The following C20orf203 variants were observed in gnomAD, a reference collection of about 807,000 sequenced individuals.
C20orf203 encodes the protein chromosome 20 open reading frame 203.
A neutral mutation model predicts 15.9 loss-of-function variants in C20orf203; 16 were observed. The observed-to-expected ratio is 1.01, with a 90% CI of 0.68 to 1.53. C20orf203 has a LOEUF of 1.53. C20orf203 is among the 40% of genes most tolerant of loss of function. The pLI is 0.00. For missense variants in C20orf203, 263 were observed against 247.5 expected (o/e 1.06, Z -0.42); for synonymous variants, 98 against 97.2 (o/e 1.01, Z -0.05).
In C20orf203 at chr20:32,632,593, G is replaced by A. The variant is rs1982030761; in HGVS notation, c.*2977C>T. On this transcript the variant is annotated 3_prime_UTR_variant, in exon 6 of 6. Coordinates refer to ENST00000608990, the MANE Select transcript of C20orf203 (RefSeq NM_182584.4). ...CTGGCCTTTTTCACAAAAAAAACATGTATCTCAGAGCTTCTTCCACAGCAG... is the reference window on the plus strand; with the variant it reads ...CTGGCCTTTTTCACAAAAAAAACATATATCTCAGAGCTTCTTCCACAGCAG... The A allele has an allele frequency of 6.6e-6, 1 of 152,056 alleles. No individual in the cohort carries two copies. The highest frequency in any genetic ancestry group is 2.4e-5 in the African/African-American group (1 of 41,416). The allele number at this position is 152,056 out of a possible 1,614,324, so 9.4% of individuals were successfully genotyped here.
chr20:32,660,432 A>C (rs1205834812), intron 1 of C20orf203, among the ~76,000 whole-genome samples: 1 of 152,206 alleles, frequency 6.6e-6, no homozygotes, highest in Non-Finnish European at 1.5e-5. Context: ...TGGCCAGCTC[A>C]TGCCAGGGAG....
chr20:32,671,049 G>A (rs1983154804), intron 1 of C20orf203, among the ~76,000 whole-genome samples: 1 of 151,780 alleles, frequency 6.6e-6, no homozygotes, highest in South Asian at 2.1e-4. Flanking sequence ...TGGCAAGGAT[G>A]TGGAGAAGTT....
Position 32,633,735 on chromosome 20 carries a change from C to G in C20orf203, c.*1835G>C, listed in dbSNP as rs968484687. The G allele has an allele frequency of 3.1e-6, 1 of 326,768 alleles. No individual in the cohort carries two copies. The highest frequency in any genetic ancestry group is 5.5e-6 in the Non-Finnish European group (1 of 180,828). 20.2% of individuals were successfully genotyped at this position (326,768 alleles called of 1,614,324 possible). On this transcript the variant is annotated 3_prime_UTR_variant, in exon 6 of 6. Coordinates refer to ENST00000608990, the MANE Select transcript of C20orf203 (RefSeq NM_182584.4). The stretch of plus-strand genomic sequence containing the variant: ...CTTGTAGAAGGTCCTTGTCTGTAAC[C>G]TGGTGGTGCCTCCTGCCTCTGACTC...
At position 32,650,452 on chromosome 20, in the gene C20orf203, A is replaced by G; in HGVS notation, c.565T>C (p.Ser189Pro). 2 of 1,550,202 alleles carry G rather than the reference A, an allele frequency of 1.3e-6. No individual in the cohort carries two copies. Among genetic ancestry groups the G allele is most frequent in the Non-Finnish European group, 1.7e-6 (2 of 1,146,752 alleles). Reference sequence around the variant, plus strand: ...CTCGGCTAATTAAACAGCGACCGTGATGAATTGGAGAGAAACTGCTGCTTG... The same window carrying G: ...CTCGGCTAATTAAACAGCGACCGTGGTGAATTGGAGAGAAACTGCTGCTTG... ...ISKQQFLSNS[S>P]RSLFN Residue 189 changes from serine (S) to proline (P), a missense_variant, in exon 4 of 6, where the codon TCA becomes CCA. Ser to Pro is a moderately conservative substitution (Grantham distance 74, BLOSUM62 -1). Transcript: ENST00000608990.
chr20:32,644,591 C>T (rs186356319), intron 4 of C20orf203, among the ~76,000 whole-genome samples: 2 of 152,090 alleles, frequency 1.3e-5, no homozygotes, highest in Admixed American at 6.6e-5. Context: ...GCAGGGGAGG[C>T]CCTGTGACCC....
intron 5 of C20orf203, among the ~76,000 whole-genome samples, chr20:32,636,344 C>T (rs193109790): frequency 3.3e-5 from 5 of 152,298 alleles, no homozygotes; most frequent in Admixed American, 2.6e-4. Context: ...TGAACTAGTG[C>T]AGACATCTGA....
rs115870526 is a variant in C20orf203, at chr20:32,668,804, A to G, written c.-264+4828T>C. 6.3e-3 allele frequency among the ~76,000 whole-genome samples: 962 copies of G among 152,116 alleles called. 12 individuals carry two copies. Among genetic ancestry groups the G allele is most frequent in the African/African-American group, 0.023 (936 of 41,518 alleles). On this transcript the variant is annotated intron_variant, in intron 1 of 5. Transcript: ENST00000608990. ...TGTAGTCCAGCCTGGGTGACAGAGTAAGGCTCCGTCTCTAAATAAATAAAT... is the reference window on the plus strand; with the variant it reads ...TGTAGTCCAGCCTGGGTGACAGAGTGAGGCTCCGTCTCTAAATAAATAAAT...
chr20:32,670,062 C>T (rs1983125836), intron 1 of C20orf203, among the ~76,000 whole-genome samples: 1 of 152,112 alleles, frequency 6.6e-6, no homozygotes, highest in Admixed American at 6.6e-5. Context: ...CTTAGCTGGG[C>T]ATGGTGGCGT....
At chr20:32,636,081 C>A (rs1356817039) in intron 5 of C20orf203, among the ~76,000 whole-genome samples, 2 of 152,170 alleles carry the variant, frequency 1.3e-5, no homozygotes, top group Non-Finnish European at 2.9e-5. Flanking sequence ...GGAGGTCATG[C>A]ACACCGAGCA....
chr20:32,664,240 AAGC>A (rs1288050467), intron 1 of C20orf203, among the ~76,000 whole-genome samples: 1 of 152,336 alleles, frequency 6.6e-6, no homozygotes, highest in East Asian at 1.9e-4. Flanking sequence ...GTTCACTTAA[AAGC>A]AGTGTTGGAA....
At chr20:32,668,563 T>C (rs1392449964) in intron 1 of C20orf203, among the ~76,000 whole-genome samples, 3 of 151,244 alleles carry the variant, frequency 2.0e-5, no homozygotes, top group African/African-American at 7.3e-5. Flanking sequence ...GAGGTGGAGG[T>C]TGCAGTGAGC....
chr20:32,661,527 GGCAGAATT>G (rs573451731), intron 1 of C20orf203, among the ~76,000 whole-genome samples: 52 of 152,252 alleles, frequency 3.4e-4, no homozygotes, highest in Middle Eastern at 6.8e-3. Flanking sequence ...CTGAACACAA[GGCAGAATT>G]TCTCTGGAAA....
intron 5 of C20orf203, among the ~76,000 whole-genome samples, chr20:32,637,975 C>A (rs983708380): frequency 1.3e-5 from 2 of 149,082 alleles, no homozygotes; most frequent in East Asian, 3.9e-4. Context: ...TGTGTCTGTG[C>A]GTGTGTGTGC....
At chr20:32,671,864 A>AG (rs71190867) in intron 1 of C20orf203, among the ~76,000 whole-genome samples, 6 of 82,010 alleles carry the variant, frequency 7.3e-5, no homozygotes, top group Non-Finnish European at 1.8e-4. Context: ...AAAAAAAAAA[A>AG]TAGTAGAATG....
intron 4 of C20orf203, among the ~76,000 whole-genome samples, chr20:32,644,265 C>T (rs781343531): frequency 2.3e-4 from 35 of 152,040 alleles, no homozygotes; most frequent in Admixed American, 3.9e-4. Flanking sequence ...CTGGGCAACA[C>T]GGTGAAACCC....
In C20orf203 at chr20:32,667,509, C is replaced by G. The variant is rs74669372; in HGVS notation, c.-264+6123G>C. 9.4e-3 allele frequency among the ~76,000 whole-genome samples: 1,432 copies of G among 152,302 alleles called. 30 individuals are homozygous for G. The highest frequency in any genetic ancestry group is 0.033 in the African/African-American group (1,373 of 41,578). On this transcript the variant is annotated intron_variant, in intron 1 of 5. Transcript: ENST00000608990. Reference sequence around the variant, plus strand: ...CCCTCTCTTTGACCAAAATTCCATCCATGTAACCCTGTTCCTATAGCTGCC... The same window carrying G: ...CCCTCTCTTTGACCAAAATTCCATCGATGTAACCCTGTTCCTATAGCTGCC...
At chr20:32,658,112 G>A (rs373437369) in intron 1 of C20orf203, 6 of 152,094 alleles carry the variant, frequency 3.9e-5, no homozygotes, top group Admixed American at 2.6e-4. Flanking sequence ...CGAGACGGGC[G>A]GATCACCTGA....
At chr20:32,666,998 T>A (rs1035306688) in intron 1 of C20orf203, among the ~76,000 whole-genome samples, 3 of 151,476 alleles carry the variant, frequency 2.0e-5, no homozygotes, top group Admixed American at 6.6e-5. Flanking sequence ...CATTTTAATA[T>A]AATCAATACA....
chr20:32,667,728 T>C (rs1229167027), intron 1 of C20orf203, among the ~76,000 whole-genome samples: 1 of 152,136 alleles, frequency 6.6e-6, no homozygotes, highest in African/African-American at 2.4e-5. Flanking sequence ...TGGAGTGCAG[T>C]GGGGCAATCT....
Sources: gnomAD v4.1 joint callset for allele counts (sites outside exome capture counted in the v4.1 genomes callset) on GRCh38, gnomAD v4.1.1 for gene constraint, MANE v1.5 for transcripts, NCBI Gene and HGNC (gene_info 2026-07-23, HGNC 2026-07-21) for gene names.